Variants in LRP6 observed in about 807,000 individuals in gnomAD.
LRP6 encodes low-density lipoprotein receptor-related protein 6.
LRP6 carries 43 observed loss-of-function variants against 184.1 expected under a neutral mutation model. The ratio of observed to expected loss-of-function variants is 0.23; its 90% CI spans 0.18 to 0.30. The LOEUF is 0.30. Among genes scored for constraint, LRP6 ranks in the 10% least tolerant of loss-of-function variants. The pLI is 1.00. For missense variants in LRP6, 1,571 were observed against 2,005.3 expected, an observed-to-expected ratio of 0.78 and a Z score of 4.14; for synonymous variants, 719 against 684.9, an observed-to-expected ratio of 1.05 and a Z score of -0.78.
intron 1 of LRP6, among the ~76,000 whole-genome samples, chr12:12,258,102 T>C (rs1865516883): frequency 3.3e-5 from 5 of 152,172 alleles, no homozygotes; most frequent in Admixed American, 3.3e-4. Context: ...ATTTAACATA[T>C]CTAATCTATG....
intron 7 of LRP6, among the ~76,000 whole-genome samples, chr12:12,166,512 C>T (rs374127043): frequency 2.6e-4 from 39 of 152,108 alleles, no homozygotes; most frequent in African/African-American, 8.7e-4. Context: ...ATGCCTGATT[C>T]GGTTTTATTC....
chr12:12,145,835 T>A (rs183614631), intron 15 of LRP6, among the ~76,000 whole-genome samples: 1 of 152,064 alleles, frequency 6.6e-6, no homozygotes, highest in East Asian at 1.9e-4. Context: ...TTTTGCCATG[T>A]TGGCCAGGCT....
At position 12,261,264 on chromosome 12, in the gene LRP6, C is replaced by CA. The variant is rs1204530659; in HGVS notation, c.55+5416dup. Among the ~76,000 whole-genome samples the CA allele has an allele frequency of 4.6e-5, 7 of 152,088 alleles. No individual in the cohort carries two copies. In the East Asian group the frequency reaches 7.7e-4, roughly 17 times the overall value. On this transcript the variant is annotated intron_variant, in intron 1 of 22. Coordinates refer to ENST00000261349, the MANE Select transcript of LRP6 (RefSeq NM_002336.3). ...TGAAACCCCATCTCTACTAAAAATACAAAAAATTAATCGGGCGTGGTGGCG... is the reference window on the plus strand; with the variant it reads ...TGAAACCCCATCTCTACTAAAAATACAAAAAAATTAATCGGGCGTGGTGGCG...
chr12:12,130,652 C>T (rs985263916), intron 19 of LRP6, 131 bp downstream of exon 19: 12 of 648,900 alleles, frequency 1.8e-5, no homozygotes, highest in Non-Finnish European at 3.3e-5. Flanking sequence ...AAAACCTTCA[C>T]ACAAATAATT....
chr12:12,177,098 G>A (rs953852901), intron 7 of LRP6, among the ~76,000 whole-genome samples: 7 of 151,554 alleles, frequency 4.6e-5, no homozygotes, highest in African/African-American at 7.3e-5. Flanking sequence ...CACCCACCTC[G>A]GCCTCCCAAA....
intron 1 of LRP6, among the ~76,000 whole-genome samples, chr12:12,263,276 A>AAG (rs1565736232): frequency 8.9e-5 from 13 of 146,248 alleles, no homozygotes; most frequent in Admixed American, 1.4e-4. Flanking sequence ...TAAAAAAAAA[A>AAG]AAAGAATGTG....
intron 15 of LRP6, among the ~76,000 whole-genome samples, chr12:12,144,255 G>A (rs1028590218): frequency 1.3e-5 from 2 of 152,190 alleles, no homozygotes; most frequent in African/African-American, 4.8e-5. Context: ...TATTGGCCAG[G>A]CTGGAGTGCA....
At chr12:12,214,872 G>A (rs886446148) in intron 2 of LRP6, among the ~76,000 whole-genome samples, 2 of 152,168 alleles carry the variant, frequency 1.3e-5, no homozygotes, top group Non-Finnish European at 2.9e-5. Context: ...GCTGCTCAAA[G>A]TATCAAATAA....
chr12:12,233,837 C>G lies in LRP6; in HGVS notation c.449+10425G>C, dbSNP rs144480139. On this transcript the variant is annotated intron_variant, in intron 2 of 22. Transcript: ENST00000261349. ...AGTGAGATATCGATGTGTGAATCTG[C>G]TTTAAAATATCTCAGCTAATTAAAA... 2.3e-3 allele frequency among the ~76,000 whole-genome samples: 349 copies of G among 152,036 alleles called. 1 individual carries two copies. Among genetic ancestry groups the G allele is most frequent in the African/African-American group, 8.2e-3 (338 of 41,442 alleles).
chr12:12,233,065 G>A, intron 2 of LRP6, among the ~76,000 whole-genome samples: 1 of 152,140 alleles, frequency 6.6e-6, no homozygotes, highest in East Asian at 1.9e-4. Flanking sequence ...TACTACCTAT[G>A]AGGCATTCAT....
chr12:12,235,395 T>A (rs186846447), intron 2 of LRP6, among the ~76,000 whole-genome samples: 149 of 152,234 alleles, frequency 9.8e-4, no homozygotes, highest in Admixed American at 7.2e-3. Context: ...ATCATATATT[T>A]CCTAACTCTG....
At chr12:12,159,686 GT>G in intron 11 of LRP6, 93 bp downstream of exon 11, 1 of 1,154,252 alleles carries the variant, frequency 8.7e-7, no homozygotes, top group East Asian at 2.4e-5. Flanking sequence ...TTCATATGAA[GT>G]TGTATTAAAA....
intron 1 of LRP6, among the ~76,000 whole-genome samples, chr12:12,256,783 GTGA>G (rs1215678711): frequency 6.6e-6 from 1 of 152,168 alleles, no homozygotes; most frequent in Non-Finnish European, 1.5e-5. Flanking sequence ...TCCTCCTTGG[GTGA>G]TGAAGCAAGA....
chr12:12,260,671 C>A (rs1487986942), intron 1 of LRP6, among the ~76,000 whole-genome samples: 1 of 152,110 alleles, frequency 6.6e-6, no homozygotes, highest in Non-Finnish European at 1.5e-5. Flanking sequence ...GTTCTACTAC[C>A]CCTTTACAAA....
chr12:12,176,973 G>A (rs896741152), intron 7 of LRP6, among the ~76,000 whole-genome samples: 6 of 150,632 alleles, frequency 4.0e-5, no homozygotes, highest in East Asian at 3.9e-4. Context: ...TCAGCCTCCC[G>A]AGTAGCTAGG....
intron 17 of LRP6, among the ~76,000 whole-genome samples, chr12:12,132,768 A>G (rs1949776474): frequency 1.3e-5 from 2 of 152,222 alleles, no homozygotes; most frequent in Admixed American, 6.5e-5. Context: ...AGTCTGATCA[A>G]TCAAATGGCA....
At chr12:12,217,668 A>G (rs1864383768) in intron 2 of LRP6, among the ~76,000 whole-genome samples, 1 of 152,164 alleles carries the variant, frequency 6.6e-6, no homozygotes, top group East Asian at 1.9e-4. Context: ...AGACAGTGTG[A>G]TACTAGCATA....
At chr12:12,195,758 C>T (rs374347680) in intron 3 of LRP6, among the ~76,000 whole-genome samples, 4 of 152,028 alleles carry the variant, frequency 2.6e-5, no homozygotes, top group South Asian at 2.1e-4. Context: ...CCATAAAATC[C>T]TTTCCCAGAC....
chr12:12,243,122 T>C (rs546900664), intron 2 of LRP6, among the ~76,000 whole-genome samples: 2 of 152,348 alleles, frequency 1.3e-5, no homozygotes, highest in East Asian at 3.9e-4. Context: ...CAGATAGTTA[T>C]CTATACTTAG....
Sources: gnomAD v4.1 joint callset for allele counts (sites outside exome capture counted in the v4.1 genomes callset) on GRCh38, gnomAD v4.1.1 for gene constraint, MANE v1.5 for transcripts, NCBI Gene and HGNC (gene_info 2026-07-23, HGNC 2026-07-21) for gene names.